Variants in RUNX1T1 observed in about 807,000 individuals in gnomAD.
The protein encoded by RUNX1T1 is protein CBFA2T1.
RUNX1T1 carries 4 observed loss-of-function variants against 62.8 expected under a neutral mutation model. That is an observed-to-expected ratio of 0.06 (90% CI 0.03 to 0.15). The LOEUF is 0.15. RUNX1T1 is among the 10% of genes least tolerant of loss of function. RUNX1T1 has a pLI of 1.00. For missense variants in RUNX1T1, 508 were observed against 754.3 expected, an observed-to-expected ratio of 0.67 and a Z score of 3.82; for synonymous variants, 291 against 286.0, an observed-to-expected ratio of 1.02 and a Z score of -0.18.
chr8:92,064,316 C>T (rs1832542079), upstream of RUNX1T1, among the ~76,000 whole-genome samples: 1 of 152,194 alleles, frequency 6.6e-6, no homozygotes, highest in Non-Finnish European at 1.5e-5. Flanking sequence ...TGTAAAAAGA[C>T]CACAATTCAT....
At chr8:92,058,947 T>G (rs1195404426) in intron 1 of RUNX1T1, among the ~76,000 whole-genome samples, 1 of 152,170 alleles carries the variant, frequency 6.6e-6, no homozygotes, top group East Asian at 1.9e-4. Flanking sequence ...TCATTTTCAA[T>G]AGACCATTAA....
At chr8:92,007,127 G>A (rs1417598803) in intron 4 of RUNX1T1, among the ~76,000 whole-genome samples, 3 of 152,072 alleles carry the variant, frequency 2.0e-5, no homozygotes, top group Admixed American at 1.3e-4. Flanking sequence ...AAATAATAAA[G>A]CAAAAATAAC....
rs956811678 is a variant in RUNX1T1 at position 92,073,664 on chromosome 8, GA to G, written c.88+2300del. On this transcript the variant is annotated intron_variant, in intron 2 of 11. Transcript: ENST00000265814. The stretch of plus-strand genomic sequence containing the variant: ...ATACACCTAATATTATTACAAAGAG[GA>G]AAAAAAAATTAGGAGTAATTATTAT... 1.1e-3 allele frequency among the ~76,000 whole-genome samples: 162 copies of G among 150,696 alleles called. 1 individual carries two copies. Among genetic ancestry groups the G allele is most frequent in the Middle Eastern group, 3.4e-3 (1 of 290 alleles).
At chr8:92,088,443 G>T (rs1836470121) in intron 1 of RUNX1T1, among the ~76,000 whole-genome samples, 1 of 152,208 alleles carries the variant, frequency 6.6e-6, no homozygotes, top group Non-Finnish European at 1.5e-5. Flanking sequence ...TGCATTTAAA[G>T]CGCAGCTTGT....
chr8:92,025,692 TTATTTG>T lies in RUNX1T1; in HGVS notation c.8-8335_8-8330del, dbSNP rs1167736301. 4.6e-5 allele frequency among the ~76,000 whole-genome samples: 7 copies of T among 152,348 alleles called. No homozygotes were observed. The East Asian group carries it at 1.3e-3, about 29-fold the overall frequency. ...TTTACTTAAGAGCAATGATGACATT[TTATTTG>T]TTTTTATAGTCCCAGCACTTAGCAG... is the stretch of plus-strand genomic sequence containing the variant. On this transcript the variant is annotated intron_variant, in intron 1 of 10. Transcript: ENST00000396218.
chr8:92,004,984 T>C (rs1238813400), intron 5 of RUNX1T1, 132 bp downstream of exon 6: 4 of 743,516 alleles, frequency 5.4e-6, no homozygotes, highest in Non-Finnish European at 8.5e-6. Flanking sequence ...ATTCTCAAGA[T>C]GGCCACAATG....
intron 1 of RUNX1T1, among the ~76,000 whole-genome samples, chr8:92,020,191 A>T (rs2131199852): frequency 6.6e-6 from 1 of 152,294 alleles, no homozygotes; most frequent in South Asian, 2.1e-4. Context: ...ATCCACATAC[A>T]CATGAACACT....
intron 8 of RUNX1T1, among the ~76,000 whole-genome samples, chr8:91,979,321 GCTAATC>G (rs1814678096): frequency 6.6e-6 from 1 of 152,084 alleles, no homozygotes; most frequent in African/African-American, 2.4e-5. Flanking sequence ...TAGAATACTG[GCTAATC>G]TAAACACATC....
upstream of RUNX1T1, among the ~76,000 whole-genome samples, chr8:92,100,414 T>C (rs2130953539): frequency 6.6e-6 from 1 of 152,316 alleles, no homozygotes; most frequent in African/African-American, 2.4e-5. Context: ...TATAATAAAA[T>C]TATTAATGAC....
chr8:91,982,212 G>A (rs978178223), intron 8 of RUNX1T1, among the ~76,000 whole-genome samples: 3 of 141,216 alleles, frequency 2.1e-5, no homozygotes, highest in Admixed American at 7.4e-5. Context: ...ACTCCACCCT[G>A]AGCAACAAAG....
chr8:92,005,418 C>A, intron 4 of RUNX1T1, 121 bp from the exon 6 acceptor site: 1 of 822,772 alleles, frequency 1.2e-6, no homozygotes, highest in South Asian at 1.9e-5. Context: ...AGGTCAAATG[C>A]ATGCCATGGG....
intron 1 of RUNX1T1, among the ~76,000 whole-genome samples, chr8:92,094,163 G>A (rs1003402712): frequency 6.6e-6 from 1 of 152,112 alleles, no homozygotes; most frequent in Non-Finnish European, 1.5e-5. Flanking sequence ...GTAAAATAAT[G>A]GGACTCTATT....
chr8:92,004,937 A>C, intron 5 of RUNX1T1, 179 bp downstream of exon 6: 1 of 558,628 alleles, frequency 1.8e-6, no homozygotes, highest in Non-Finnish European at 3.1e-6. Flanking sequence ...CCCAGGCCAG[A>C]GATTCAAAAC....
At chr8:92,032,587 C>T (rs192007994) in intron 1 of RUNX1T1, among the ~76,000 whole-genome samples, 95 of 152,192 alleles carry the variant, frequency 6.2e-4, no homozygotes, top group Non-Finnish European at 1.1e-3. Flanking sequence ...GATTGGTATA[C>T]GGGCAACAAT....
intron 1 of RUNX1T1, among the ~76,000 whole-genome samples, chr8:92,090,987 T>C (rs1181609050): frequency 6.6e-6 from 1 of 152,158 alleles, no homozygotes; most frequent in Non-Finnish European, 1.5e-5. Context: ...CTCTCCTCTC[T>C]CCCAAGACCA....
At chr8:91,997,775 G>C (rs566437050) in intron 5 of RUNX1T1, among the ~76,000 whole-genome samples, 24 of 152,196 alleles carry the variant, frequency 1.6e-4, no homozygotes, top group African/African-American at 5.5e-4. Context: ...CCCCAGATTT[G>C]TTTGCTGTTT....
chr8:91,973,621 A>T (rs115290527), intron 9 of RUNX1T1, among the ~76,000 whole-genome samples: 8,597 of 151,996 alleles, frequency 0.057, 810 homozygotes, highest in African/African-American at 0.2. Flanking sequence ...TCTTCAAAAA[A>T]TTTTTTTGCC....
At chr8:92,016,639 C>T (rs1823061739) in intron 2 of RUNX1T1, among the ~76,000 whole-genome samples, 1 of 152,122 alleles carries the variant, frequency 6.6e-6, no homozygotes. Flanking sequence ...CGTGCCACTG[C>T]ACTCCAGCCT....
At chr8:92,071,667 G>A (rs1833692365) in intron 2 of RUNX1T1, among the ~76,000 whole-genome samples, 1 of 152,132 alleles carries the variant, frequency 6.6e-6, no homozygotes, top group Admixed American at 6.5e-5. Context: ...GGACAGACAG[G>A]GCTGGCCTTG....
Sources: gnomAD v4.1 joint callset for allele counts (sites outside exome capture counted in the v4.1 genomes callset) on GRCh38, gnomAD v4.1.1 for gene constraint, MANE v1.5 for transcripts, NCBI Gene and HGNC (gene_info 2026-07-23, HGNC 2026-07-21) for gene names.